Variants in EML6 observed in about 807,000 individuals in gnomAD.
EML6 encodes EMAP like 6, also known as echinoderm microtubule-associated protein-like 6.
Under a neutral mutation model 240.1 loss-of-function variants are expected in EML6, and 154 were observed. The observed-to-expected ratio is 0.64, with a 90% confidence interval of 0.56 to 0.73. The LOEUF is 0.73. Ranked by LOEUF, EML6 falls within the 30% of genes least tolerant of loss-of-function variation. The probability of loss-of-function intolerance (pLI) is 0.00; values close to 1 mark genes in which losing one functional copy is unlikely to be tolerated. For synonymous variants in EML6, 1,148 were observed against 899.0 expected (o/e 1.28, Z -4.95); for missense variants, 2,964 against 2,474.6 (o/e 1.20, Z -4.20).
chr2:54,854,823 C>T (rs942471752), intron 11 of EML6, among the ~76,000 whole-genome samples: 1 of 152,360 alleles, frequency 6.6e-6, no homozygotes, highest in African/African-American at 2.4e-5. Flanking sequence ...TCATACTCTT[C>T]TTTTTCCCCA....
intron 22 of EML6, among the ~76,000 whole-genome samples, chr2:54,900,730 G>T (rs918024668): frequency 6.6e-6 from 1 of 152,184 alleles, no homozygotes; most frequent in Non-Finnish European, 1.5e-5. Flanking sequence ...CCTGAAACCA[G>T]AGGACAAGGG....
At chr2:54,820,302 G>T in intron 4 of EML6, 92 bp from the exon 5 acceptor site, 1 of 734,318 alleles carries the variant, frequency 1.4e-6, no homozygotes, top group East Asian at 2.7e-5. Flanking sequence ...TGTTCTAAAT[G>T]TTATAGTAGA....
intron 2 of EML6, among the ~76,000 whole-genome samples, chr2:54,726,488 G>C (rs1442288286): frequency 6.6e-6 from 1 of 151,922 alleles, no homozygotes; most frequent in African/African-American, 2.4e-5. Flanking sequence ...TGTTACAGAA[G>C]GCAAGCACTT....
intron 17 of EML6, among the ~76,000 whole-genome samples, chr2:54,885,688 T>A (rs1672090508): frequency 6.6e-6 from 1 of 152,142 alleles, no homozygotes; most frequent in Non-Finnish European, 1.5e-5. Flanking sequence ...CTCGGCTCAC[T>A]GCAAGCTCCA....
At chr2:54,872,760 C>T (rs1425293563) in intron 16 of EML6, among the ~76,000 whole-genome samples, 1 of 152,344 alleles carries the variant, frequency 6.6e-6, no homozygotes, top group East Asian at 1.9e-4. Context: ...GTTCTTTGCT[C>T]ATGCTGTTCT....
Position 54,724,265 on chromosome 2 carries a change from C to G in EML6, c.-513-284C>G, listed in dbSNP as rs933429323. On this transcript the variant is annotated intron_variant, in intron 1 of 41. Transcript: ENST00000356458. This position sits in a 1 kb window ranked among gnomAD's most constrained non-coding sequence, Gnocchi z 5.2. ...GGAGGATATGATTATTAAACACACA[C>G]ATGAAAACTAATTGGAGCATCTAAA... Among the ~76,000 whole-genome samples the G allele has an allele frequency of 6.6e-6, 1 of 152,068 alleles. No individual in the cohort carries two copies. The highest frequency in any genetic ancestry group is 1.5e-5 in the Non-Finnish European group (1 of 68,000).
In EML6 at chr2:54,960,327, G is replaced by A. The variant is rs1019686702; in HGVS notation, c.4961G>A (p.Arg1654His). 5.8e-6 allele frequency: 9 copies of A among 1,549,392 alleles called. No individual in the cohort carries two copies. Among genetic ancestry groups the A allele is most frequent in the South Asian group, 1.2e-5 (1 of 84,050 alleles). Residue 1654 changes from arginine (R) to histidine (H), a missense_variant, in exon 35 of 42, where the codon CGT becomes CAT. By Grantham distance (29) the Arg-to-His change is conservative. Coordinates refer to ENST00000356458, the MANE Select transcript of EML6 (RefSeq NM_001039753.4). ...GTGGAGTGTGTGCGCTCCGTGTGCC[G>A]TGGAAAAGTGAGCACAGCCAGCTCC... ...QLVECVRSVC[R>H]GKGKILVGTK...
chr2:54,946,145 C>T (rs1022362445), intron 28 of EML6, among the ~76,000 whole-genome samples: 1 of 152,198 alleles, frequency 6.6e-6, no homozygotes, highest in African/African-American at 2.4e-5. Flanking sequence ...TCTTGCCAGG[C>T]TCCCTCCTTA....
At chr2:54,726,880 A>G (rs541210902) in intron 2 of EML6, among the ~76,000 whole-genome samples, 1 of 152,332 alleles carries the variant, frequency 6.6e-6, no homozygotes, top group South Asian at 2.1e-4. Context: ...AGAGAGTGGC[A>G]ATTAAACAGA....
At chr2:54,882,596 C>G (rs532147802) in intron 17 of EML6, 2 of 151,896 alleles carry the variant, frequency 1.3e-5, no homozygotes, top group African/African-American at 2.4e-5. Flanking sequence ...CGGTAGCTCA[C>G]GCCCGTAATC....
At chr2:54,866,520 G>A (rs2033821) in intron 13 of EML6, among the ~76,000 whole-genome samples, 109,221 of 152,052 alleles carry the variant, frequency 0.72, 40,011 homozygotes, top group East Asian at 0.86. Context: ...AAAATTTACT[G>A]ATATATTTTC....
intron 7 of EML6, among the ~76,000 whole-genome samples, chr2:54,842,050 A>G (rs1370502474): frequency 6.6e-6 from 1 of 152,094 alleles, no homozygotes. Context: ...CATTTGTTCC[A>G]GTGGGTGAAG....
intron 16 of EML6, among the ~76,000 whole-genome samples, chr2:54,877,118 G>A (rs1331854833): frequency 6.6e-6 from 1 of 151,968 alleles, no homozygotes; most frequent in South Asian, 2.1e-4. Flanking sequence ...AAGTATCTGG[G>A]ACTACAGATG....
At chr2:54,937,155 G>A (rs1456713083) in intron 28 of EML6, among the ~76,000 whole-genome samples, 1 of 151,814 alleles carries the variant, frequency 6.6e-6, no homozygotes, top group East Asian at 1.9e-4. Context: ...GCACATGCCT[G>A]TAATCCCAGC....
intron 35 of EML6, among the ~76,000 whole-genome samples, chr2:54,960,610 C>T (rs1676452980): frequency 6.6e-6 from 1 of 152,110 alleles, no homozygotes; most frequent in South Asian, 2.1e-4. Context: ...ATGACAGTGC[C>T]TTTCATCTTA....
chr2:54,925,520 C>G (rs1468673376), intron 26 of EML6, among the ~76,000 whole-genome samples: 2 of 152,224 alleles, frequency 1.3e-5, no homozygotes, highest in African/African-American at 4.8e-5. Flanking sequence ...AATCACGTCA[C>G]TATCTTGGCT....
rs6751514 is a variant in EML6 at position 54,923,369 on chromosome 2, A to G, written c.3676-4944A>G. The stretch of plus-strand genomic sequence containing the variant: ...GATCCTAAGTGTCCTCACCAAACGC[A>G]CACACACACACACACACACACACAC... On this transcript the variant is annotated intron_variant, in intron 26 of 41. Coordinates refer to ENST00000356458, the MANE Select transcript of EML6 (RefSeq NM_001039753.4). Among the ~76,000 whole-genome samples, 387 of 46,292 alleles carry G rather than the reference A, an allele frequency of 8.4e-3. 4 individuals are homozygous for G. In the East Asian group the frequency reaches 0.29, roughly 34 times the overall value. 30.4% of individuals were successfully genotyped at this position (46,292 alleles called of 152,430 possible).
chr2:54,870,182 A>G (rs1439466873), intron 15 of EML6, among the ~76,000 whole-genome samples: 1 of 152,230 alleles, frequency 6.6e-6, no homozygotes, highest in East Asian at 1.9e-4. Flanking sequence ...TTTTCCTGAG[A>G]CTCGACCTGC....
At chr2:54,850,316 A>G in intron 10 of EML6, 98 bp downstream of exon 10, 2 of 1,166,718 alleles carry the variant, frequency 1.7e-6, no homozygotes, top group African/African-American at 1.6e-5. Flanking sequence ...TAGAATTTGT[A>G]CAGCAGGTTT....
Sources: gnomAD v4.1 joint callset for allele counts (sites outside exome capture counted in the v4.1 genomes callset) on GRCh38, gnomAD v4.1.1 for gene constraint, Gnocchi (gnomAD v3.1) non-coding constraint, MANE v1.5 for transcripts, NCBI Gene and HGNC (gene_info 2026-07-23, HGNC 2026-07-21) for gene names.